The following ALS2 variants were observed in gnomAD, a reference collection of about 807,000 sequenced individuals.
ALS2 encodes alsin Rho guanine nucleotide exchange factor ALS2.
ALS2 carries 117 observed loss-of-function variants against 203.4 expected under a neutral mutation model. The observed-to-expected ratio is 0.58, with a 90% CI of 0.50 to 0.67. The LOEUF (loss-of-function observed/expected upper bound fraction) is 0.67, where lower values mean the gene tolerates loss of function less well. Ranked by LOEUF, ALS2 falls within the 30% of genes least tolerant of loss-of-function variation. ALS2 has a pLI of 0.00. For missense variants in ALS2, 1,715 were observed against 1,989.4 expected (o/e 0.86, Z 2.62); for synonymous variants, 718 against 725.9 (o/e 0.99, Z 0.17).
At chr2:201,705,071 A>T in intron 31 of ALS2, 68 bp downstream of exon 31, 3 of 1,452,638 alleles carry the variant, frequency 2.1e-6, no homozygotes, top group Non-Finnish European at 1.9e-6. Context: ...ATAAGATCAT[A>T]TTAATAATAT....
chr2:201,750,054 T>C (rs945412439), intron 7 of ALS2, among the ~76,000 whole-genome samples: 20 of 151,810 alleles, frequency 1.3e-4, no homozygotes, highest in Admixed American at 1.3e-3. Flanking sequence ...TAATCCCAGC[T>C]ACTTGGGAGG....
At chr2:201,750,122 T>C (rs1203137293) in intron 7 of ALS2, among the ~76,000 whole-genome samples, 3 of 149,450 alleles carry the variant, frequency 2.0e-5, no homozygotes, top group Admixed American at 6.7e-5. Context: ...GCCAAGATCA[T>C]GCCACTGCAT....
chr2:201,733,901 T>C (rs916099426), intron 12 of ALS2, among the ~76,000 whole-genome samples: 3 of 152,208 alleles, frequency 2.0e-5, no homozygotes, highest in South Asian at 2.1e-4. Context: ...TAATTTCTTC[T>C]TTTTTCCTTC....
intron 13 of ALS2, among the ~76,000 whole-genome samples, chr2:201,731,087 G>A (rs1186706842): frequency 6.6e-6 from 1 of 152,194 alleles, no homozygotes; most frequent in Non-Finnish European, 1.5e-5. Context: ...TAGCGAGGGA[G>A]CAGAAGGTAA....
intron 1 of ALS2, 70 bp from the exon 2 acceptor site, chr2:201,769,015 A>AC: frequency 1.4e-6 from 1 of 720,328 alleles, no homozygotes; most frequent in Non-Finnish European, 2.3e-6. Context: ...AAAAAAAAAA[A>AC]GCAGCCCTCT....
intron 12 of ALS2, 87 bp from the exon 13 acceptor site, chr2:201,733,525 T>A: frequency 8.6e-7 from 1 of 1,160,784 alleles, no homozygotes; most frequent in African/African-American, 1.5e-5. Flanking sequence ...AGAAAGTACC[T>A]CTTTCAGAAT....
chr2:201,714,470 T>C (rs1440549968), intron 25 of ALS2, among the ~76,000 whole-genome samples: 3 of 152,214 alleles, frequency 2.0e-5, no homozygotes, highest in Non-Finnish European at 4.4e-5. Flanking sequence ...CATGGAAAGC[T>C]TACACATGGA....
At chr2:201,773,005 G>A (rs1476416842) in intron 1 of ALS2, among the ~76,000 whole-genome samples, 1 of 151,866 alleles carries the variant, frequency 6.6e-6, no homozygotes, top group Non-Finnish European at 1.5e-5. Flanking sequence ...GGGATTACAG[G>A]TGCACACCAC....
intron 1 of ALS2, among the ~76,000 whole-genome samples, chr2:201,779,208 T>C (rs1467603005): frequency 6.6e-6 from 1 of 152,200 alleles, no homozygotes; most frequent in East Asian, 1.9e-4. Context: ...CCTGTTTATA[T>C]TGAGTACATT....
intron 23 of ALS2, 67 bp downstream of exon 23, chr2:201,722,976 T>C: frequency 7.7e-7 from 1 of 1,304,224 alleles, no homozygotes; most frequent in East Asian, 2.4e-5. Context: ...ATCAGCTATT[T>C]TTAAAGTAAA....
At chr2:201,758,687 G>T (rs1313007633) in intron 4 of ALS2, among the ~76,000 whole-genome samples, 1 of 151,924 alleles carries the variant, frequency 6.6e-6, no homozygotes, top group Non-Finnish European at 1.5e-5. Flanking sequence ...TGTACCCAAA[G>T]ATCTCAAAGG....
chr2:201,728,662 A>G (rs1204179426), intron 14 of ALS2, 22 bp from the exon 15 acceptor site: 1 of 1,609,326 alleles, frequency 6.2e-7, no homozygotes, highest in African/African-American at 1.3e-5. Context: ...GACAAATATA[A>G]TACAAGTCAA....
chr2:201,735,572 C>T (rs770203365), intron 12 of ALS2, among the ~76,000 whole-genome samples: 3 of 152,202 alleles, frequency 2.0e-5, no homozygotes, highest in Admixed American at 6.5e-5. Flanking sequence ...GAAATCTTTA[C>T]GGTAATTTTA....
Position 201,728,530 on chromosome 2 carries a change from A to G in ALS2, c.2823T>C (p.Asp941=), listed in dbSNP as rs1320612937. The G allele has an allele frequency of 6.2e-7, 1 of 1,614,160 alleles. No individual in the cohort carries two copies. Among genetic ancestry groups the G allele is most frequent in the Non-Finnish European group, 8.5e-7 (1 of 1,180,042 alleles). Residue 941 remains aspartate, a synonymous_variant, in exon 15 of 34, where the codon GAT becomes GAC. Coordinates refer to ENST00000264276, the MANE Select transcript of ALS2 (RefSeq NM_020919.4). Reference sequence around the variant, plus strand: ...AGCCTACCTGGGCATGGACCAGGGCATCATTAAAGAGAATGAACCAATTCA... The same window carrying G: ...AGCCTACCTGGGCATGGACCAGGGCGTCATTAAAGAGAATGAACCAATTCA... ...FSVNWFILFN[D]ALVHAQFSTH...
chr2:201,737,125 ATG>A (rs1691920784), intron 12 of ALS2, among the ~76,000 whole-genome samples: 1 of 152,216 alleles, frequency 6.6e-6, no homozygotes, highest in African/African-American at 2.4e-5. Context: ...TAAAAAAATT[ATG>A]TTTCTACCAC....
At chr2:201,725,475 TAACAA>T (rs1410426228) in intron 19 of ALS2, 21 bp from the exon 20 acceptor site, 1 of 1,584,576 alleles carries the variant, frequency 6.3e-7, no homozygotes, top group South Asian at 1.1e-5. Context: ...AAAGAAAAAA[TAACAA>T]AAGAAGATGC....
At chr2:201,702,596 A>G (rs992720737) in intron 33 of ALS2, among the ~76,000 whole-genome samples, 12 of 152,206 alleles carry the variant, frequency 7.9e-5, no homozygotes, top group African/African-American at 2.9e-4. Context: ...TAATTTTAAA[A>G]TATTCTTGAT....
chr2:201,760,589 T>G, intron 4 of ALS2: 1 of 1,198,612 alleles, frequency 8.3e-7, no homozygotes, highest in Non-Finnish European at 1.0e-6. Flanking sequence ...ATTCAGTACT[T>G]TAGCCATAGA....
intron 16 of ALS2, 134 bp from the exon 17 acceptor site, chr2:201,727,412 T>G: frequency 2.3e-6 from 2 of 855,166 alleles, no homozygotes; most frequent in Non-Finnish European, 3.9e-6. Context: ...TGCTTGGTTT[T>G]GGGCGCCACC....
Sources: gnomAD v4.1 joint callset for allele counts (sites outside exome capture counted in the v4.1 genomes callset) on GRCh38, gnomAD v4.1.1 for gene constraint, MANE v1.5 for transcripts, NCBI Gene and HGNC (gene_info 2026-07-23, HGNC 2026-07-21) for gene names.